Variants in TRERF1 observed in about 807,000 individuals in gnomAD.
The protein encoded by TRERF1 is transcriptional regulating factor 1, also known as transcriptional-regulating factor 1.
Under a neutral mutation model 122.9 loss-of-function variants are expected in TRERF1, and 27 were observed. The observed-to-expected ratio is 0.22, with a 90% CI of 0.16 to 0.30. The LOEUF (loss-of-function observed/expected upper bound fraction) is 0.30. Among genes scored for constraint, TRERF1 ranks in the 10% least tolerant of loss-of-function variants. The probability of loss-of-function intolerance (pLI) is 1.00; values close to 1 mark genes in which losing one functional copy is unlikely to be tolerated. For missense variants in TRERF1, 1,248 were observed against 1,560.3 expected, an observed-to-expected ratio of 0.80 and a Z score of 3.37; for synonymous variants, 636 against 641.7, an observed-to-expected ratio of 0.99 and a Z score of 0.13.
exon 15 of TRERF1, chr6:42,243,298 G>A (rs1237479228): frequency 6.2e-7 from 1 of 1,614,124 alleles, no homozygotes. Context: ...TTCCGCCCCA[G>A]CCGCATGATC....
intron 2 of TRERF1, 46 bp downstream of exon 2, chr6:42,451,131 C>T (rs2151858640): frequency 6.6e-6 from 1 of 152,234 alleles, no homozygotes. Context: ...AGGAGCATCC[C>T]CAAACTAATT....
At chr6:42,408,031 G>C (rs569425681) in intron 2 of TRERF1, among the ~76,000 whole-genome samples, 1 of 151,700 alleles carries the variant, frequency 6.6e-6, no homozygotes, top group African/African-American at 2.4e-5. Flanking sequence ...GTATCTCTCA[G>C]TTTATGATCC....
At chr6:42,302,483 T>C (rs1786396639) in intron 3 of TRERF1, among the ~76,000 whole-genome samples, 1 of 152,242 alleles carries the variant, frequency 6.6e-6, no homozygotes, top group African/African-American at 2.4e-5. Flanking sequence ...TTTGTTTTGT[T>C]TTTTTAAATG....
intron 3 of TRERF1, among the ~76,000 whole-genome samples, chr6:42,342,884 A>G (rs901609453): frequency 6.6e-6 from 1 of 152,094 alleles, no homozygotes; most frequent in East Asian, 1.9e-4. Flanking sequence ...TCTAGGCCCA[A>G]TTTCTCCAAC....
chr6:42,319,691 T>C (rs889624842), intron 3 of TRERF1, among the ~76,000 whole-genome samples: 28 of 151,320 alleles, frequency 1.9e-4, no homozygotes, highest in African/African-American at 6.8e-4. Flanking sequence ...GGTGTGATGG[T>C]GTGTGCCTGT....
chr6:42,364,310 C>T (rs1340192593), intron 2 of TRERF1, among the ~76,000 whole-genome samples: 2 of 152,186 alleles, frequency 1.3e-5, no homozygotes, highest in Non-Finnish European at 2.9e-5. Flanking sequence ...GCAGTGAGGC[C>T]CACCTCAAAC....
At chr6:42,272,866 C>G (rs1780490432) in intron 4 of TRERF1, among the ~76,000 whole-genome samples, 1 of 152,180 alleles carries the variant, frequency 6.6e-6, no homozygotes, top group Non-Finnish European at 1.5e-5. Flanking sequence ...GCCCCCAGCT[C>G]AGATGGTCTG....
chr6:42,325,482 A>G (rs367972721), intron 3 of TRERF1, among the ~76,000 whole-genome samples: 1 of 152,348 alleles, frequency 6.6e-6, no homozygotes, highest in Non-Finnish European at 1.5e-5. Flanking sequence ...ATTCTTCATA[A>G]TAGCAAAGAC....
Position 42,232,811 on chromosome 6 carries a change from T to C in TRERF1, c.3148A>G (p.Ile1050Val), listed in dbSNP as rs1266676095. The change falls in exon 17 of 18, where the codon ATC (isoleucine) becomes GTC (valine). Residue 1050 changes from isoleucine to valine, a missense_variant. This residue lies in a region of TRERF1 where 159 missense variants were observed against 221.7 expected (regional missense o/e 0.72). Transcript: ENST00000372922. The surrounding 1 kb of genome is among the most constrained non-coding windows in gnomAD (Gnocchi z 4.5). ...CCAGGCTTCTGCTTCCCAGAGGGGA[T>C]GGCACCTCGGGCCTTGGTCACCTGG... The C allele has an allele frequency of 3.7e-6, 6 of 1,612,978 alleles. No individual in the cohort carries two copies. The highest frequency in any genetic ancestry group is 3.3e-5 in the Admixed American group (2 of 59,886).
chr6:42,338,129 C>T (rs1766556680), intron 3 of TRERF1, among the ~76,000 whole-genome samples: 1 of 152,188 alleles, frequency 6.6e-6, no homozygotes, highest in African/African-American at 2.4e-5. Context: ...ATCAAAGGCA[C>T]CTGGCTCACT....
intron 17 of TRERF1, among the ~76,000 whole-genome samples, chr6:42,229,872 A>AG (rs1294391840): frequency 6.6e-6 from 1 of 152,232 alleles, no homozygotes; most frequent in Non-Finnish European, 1.5e-5. Context: ...TTGGGAATAA[A>AG]GTTTTATTGG....
At chr6:42,437,022 T>C (rs1785573908) in intron 2 of TRERF1, among the ~76,000 whole-genome samples, 1 of 151,972 alleles carries the variant, frequency 6.6e-6, no homozygotes, top group Non-Finnish European at 1.5e-5. Context: ...GCAGAGCCCA[T>C]GACTTCCATT....
chr6:42,252,693 G>A (rs1776032530), intron 13 of TRERF1, among the ~76,000 whole-genome samples: 3 of 152,188 alleles, frequency 2.0e-5, no homozygotes, highest in Admixed American at 2.0e-4. Flanking sequence ...AGGAGGTGGT[G>A]GCTGGGACAT....
intron 2 of TRERF1, among the ~76,000 whole-genome samples, chr6:42,378,660 A>T (rs1050051470): frequency 6.6e-6 from 1 of 152,154 alleles, no homozygotes; most frequent in Non-Finnish European, 1.5e-5. Context: ...GATCCCTAGG[A>T]GAGTCGATGC....
Position 42,406,543 on chromosome 6 carries a change from A to G in TRERF1, c.-453-43464T>C, listed in dbSNP as rs186456688. Among the ~76,000 whole-genome samples the G allele has an allele frequency of 4.2e-4, 64 of 152,284 alleles. 1 individual carries two copies. Among genetic ancestry groups the G allele is most frequent in the Admixed American group, 1.4e-3 (21 of 15,302 alleles). ...GCTCACAGGTTGCAATCGGGCTCCA[A>G]TGAGTTAACAGACCTGGGTATGTCC... On this transcript the variant is annotated intron_variant, in intron 2 of 17. Transcript: ENST00000372922.
At chr6:42,314,227 A>G (rs917834264) in intron 3 of TRERF1, among the ~76,000 whole-genome samples, 16 of 152,160 alleles carry the variant, frequency 1.1e-4, no homozygotes, top group African/African-American at 3.9e-4. Context: ...TAAATTCAGA[A>G]CCCTAGCTGA....
At chr6:42,262,552 A>G (rs1197959740) in intron 8 of TRERF1, among the ~76,000 whole-genome samples, 1 of 119,562 alleles carries the variant, frequency 8.4e-6, no homozygotes, top group Non-Finnish European at 1.8e-5. Context: ...AGAGAGAGAG[A>G]GAGAGAGAGA....
chr6:42,277,904 AG>A (rs11363004), intron 4 of TRERF1, among the ~76,000 whole-genome samples: 882 of 67,924 alleles, frequency 0.013, 3 homozygotes, highest in African/African-American at 0.022. Context: ...AGAAGGAAGA[AG>A]GAAGAAGAAG....
chr6:42,427,763 T>A (rs1000160376), intron 2 of TRERF1, among the ~76,000 whole-genome samples: 1 of 152,018 alleles, frequency 6.6e-6, no homozygotes, highest in Non-Finnish European at 1.5e-5. Flanking sequence ...TTGCCCAGGC[T>A]GGTCTTGAAC....
Sources: gnomAD v4.1 joint callset for allele counts (sites outside exome capture counted in the v4.1 genomes callset) on GRCh38, gnomAD v4.1.1 for gene constraint, gnomAD v4.1.1 regional missense constraint, Gnocchi (gnomAD v3.1) non-coding constraint, MANE v1.5 for transcripts, NCBI Gene and HGNC (gene_info 2026-07-23, HGNC 2026-07-21) for gene names.